Variants in SDK1 observed in about 807,000 individuals in gnomAD.
SDK1 encodes sidekick cell adhesion molecule 1, also known as protein sidekick-1.
In SDK1, 157 loss-of-function variants were observed where a neutral mutation model predicts 245.5. The ratio of observed to expected loss-of-function variants is 0.64; its 90% CI spans 0.56 to 0.73. The LOEUF is 0.73. Among genes scored for constraint, SDK1 ranks in the 30% least tolerant of loss-of-function variants. SDK1 has a pLI of 0.00. For synonymous variants in SDK1, 1,647 were observed against 1,278.5 expected, an observed-to-expected ratio of 1.29 and a Z score of -6.15; for missense variants, 3,583 against 3,002.3, an observed-to-expected ratio of 1.19 and a Z score of -4.52.
At chr7:3,841,200 G>A (rs1292063887) in intron 5 of SDK1, among the ~76,000 whole-genome samples, 3 of 152,196 alleles carry the variant, frequency 2.0e-5, no homozygotes, top group African/African-American at 7.2e-5. Context: ...ACCTACCCAT[G>A]TATCAGGTGA....
At chr7:4,181,372 T>C (rs1782594172) in intron 35 of SDK1, among the ~76,000 whole-genome samples, 1 of 152,236 alleles carries the variant, frequency 6.6e-6, no homozygotes, top group Non-Finnish European at 1.5e-5. Flanking sequence ...GCCTTCCCCC[T>C]TTTAGACTTG....
At chr7:3,852,456 G>GT (rs894691885) in intron 5 of SDK1, among the ~76,000 whole-genome samples, 6 of 150,796 alleles carry the variant, frequency 4.0e-5, no homozygotes, top group East Asian at 2.0e-4. Flanking sequence ...TTATTTAAAA[G>GT]TTTTTTTTTG....
rs191284362 is a variant in SDK1, at chr7:3,907,352, C to T, written c.848-43571C>T. Among the ~76,000 whole-genome samples, 411 of 152,254 alleles carry T rather than the reference C, an allele frequency of 2.7e-3. 3 individuals carry two copies. The highest frequency in any genetic ancestry group is 6.8e-3 in the Middle Eastern group (2 of 294). On this transcript the variant is annotated intron_variant, in intron 5 of 44. Transcript: ENST00000404826. ...TAGTGTCTCTGTGAATTTGCATATT[C>T]GAAATATTTCACATATTCGTCCTTT...
chr7:4,216,935 G>T (rs529402581), intron 38 of SDK1, among the ~76,000 whole-genome samples: 31 of 152,050 alleles, frequency 2.0e-4, no homozygotes, highest in Non-Finnish European at 3.8e-4. Context: ...AACACTCCTC[G>T]AACCCCTGGG....
intron 1 of SDK1, among the ~76,000 whole-genome samples, chr7:3,459,543 T>A (rs1467389099): frequency 1.3e-5 from 2 of 152,242 alleles, no homozygotes; most frequent in Non-Finnish European, 2.9e-5. Context: ...GAAGCATCAC[T>A]TTCCTGTTTC....
At chr7:3,671,989 C>G (rs1477900062) in intron 4 of SDK1, among the ~76,000 whole-genome samples, 1 of 152,116 alleles carries the variant, frequency 6.6e-6, no homozygotes, top group African/African-American at 2.4e-5. Flanking sequence ...TTGCTTGGAG[C>G]TAAAAGCAGG....
At chr7:3,314,347 A>G (rs1042562563) in intron 1 of SDK1, among the ~76,000 whole-genome samples, 2 of 152,210 alleles carry the variant, frequency 1.3e-5, no homozygotes, top group African/African-American at 2.4e-5. Context: ...GTACATTCCA[A>G]GTGACCTTTA....
intron 4 of SDK1, among the ~76,000 whole-genome samples, chr7:3,806,314 C>CCACATTAGGATGTGGATGTT (rs1562456937): frequency 3.3e-5 from 4 of 121,614 alleles, no homozygotes; most frequent in African/African-American, 1.0e-4. Context: ...ATGTGGATGT[C>CCACATTAGGATGTGGATGTT]CACATTAGGA....
chr7:4,067,950 T>C lies in SDK1; in HGVS notation c.3010+14T>C. 1.3e-6 allele frequency: 2 copies of C among 1,578,916 alleles called. No homozygotes were observed. Among genetic ancestry groups the C allele is most frequent in the Non-Finnish European group, 8.7e-7 (1 of 1,153,728 alleles). ...GCATCATTACTGGTAAGTAGGCCTG[T>C]CCTTCAAAAAAGGAAAAGATAAGTT... On this transcript the variant is annotated intron_variant, in intron 20 of 44. Transcript: ENST00000404826.
intron 4 of SDK1, among the ~76,000 whole-genome samples, chr7:3,803,206 T>C (rs1779149001): frequency 6.6e-6 from 1 of 152,196 alleles, no homozygotes; most frequent in Non-Finnish European, 1.5e-5. Context: ...CTAGTGATGC[T>C]CAACACTTTT....
At chr7:3,334,801 A>G (rs1281275161) in intron 1 of SDK1, among the ~76,000 whole-genome samples, 3 of 152,238 alleles carry the variant, frequency 2.0e-5, no homozygotes, top group African/African-American at 7.2e-5. Context: ...GTCTAGAGGT[A>G]TATTTCCAAT....
rs684443 is a variant in SDK1 at position 4,173,897 on chromosome 7, C to A, written c.4801-325C>A. On this transcript the variant is annotated intron_variant, in intron 32 of 44. Coordinates refer to ENST00000404826, the MANE Select transcript of SDK1 (RefSeq NM_152744.4). ...CTGCTCTGGGCTCACCACACAGCAC[C>A]CAGCCTCCTCGCCGTCTGTGTCTGT... Among the ~76,000 whole-genome samples the A allele has an allele frequency of 1.2e-4, 19 of 152,248 alleles. No homozygotes were observed. In the East Asian group the frequency reaches 1.9e-3, roughly 15 times the overall value.
chr7:3,531,050 A>G (rs1292189682), intron 1 of SDK1, among the ~76,000 whole-genome samples: 1 of 152,222 alleles, frequency 6.6e-6, no homozygotes, highest in Non-Finnish European at 1.5e-5. Flanking sequence ...ACTCTGCTTC[A>G]TATACCAGTG....
At chr7:4,194,181 G>C (rs1204934079) in intron 35 of SDK1, among the ~76,000 whole-genome samples, 1 of 151,966 alleles carries the variant, frequency 6.6e-6, no homozygotes, top group African/African-American at 2.4e-5. Flanking sequence ...TAGAGGGACA[G>C]AACTAATAGG....
chr7:4,052,924 G>A (rs935558127), intron 19 of SDK1, among the ~76,000 whole-genome samples: 21 of 151,312 alleles, frequency 1.4e-4, no homozygotes, highest in Non-Finnish European at 2.5e-4. Flanking sequence ...CCGTCATTAC[G>A]AAAAATACAA....
chr7:3,835,859 C>T (rs1361939120), intron 5 of SDK1, among the ~76,000 whole-genome samples: 1 of 152,176 alleles, frequency 6.6e-6, no homozygotes, highest in Non-Finnish European at 1.5e-5. Context: ...TCCCACACAT[C>T]CTGAGTTTCT....
chr7:3,466,989 C>T (rs1383853355), intron 1 of SDK1, among the ~76,000 whole-genome samples: 4 of 137,676 alleles, frequency 2.9e-5, no homozygotes, highest in Non-Finnish European at 6.1e-5. Context: ...TACACACACA[C>T]ACACACACAC....
intron 18 of SDK1, among the ~76,000 whole-genome samples, chr7:4,049,996 A>G (rs913213096): frequency 6.6e-6 from 1 of 152,168 alleles, no homozygotes; most frequent in African/African-American, 2.4e-5. Flanking sequence ...GTCTTTAGCT[A>G]CCAGAGTGTG....
chr7:3,619,014 A>G, intron 1 of SDK1, 66 bp from the exon 2 acceptor site: 2 of 1,249,288 alleles, frequency 1.6e-6, no homozygotes, highest in South Asian at 3.1e-5. Flanking sequence ...TAGATTTATT[A>G]AATTAGATGA....
Sources: gnomAD v4.1 joint callset for allele counts (sites outside exome capture counted in the v4.1 genomes callset) on GRCh38, gnomAD v4.1.1 for gene constraint, MANE v1.5 for transcripts, NCBI Gene and HGNC (gene_info 2026-07-23, HGNC 2026-07-21) for gene names.